Variants in FBXO28 observed in about 807,000 individuals in gnomAD.
FBXO28 encodes the protein F-box only protein 28.
A neutral mutation model predicts 38.1 loss-of-function variants in FBXO28; 8 were observed. The ratio of observed to expected loss-of-function variants is 0.21; its 90% CI spans 0.12 to 0.38. The LOEUF is 0.38. Ranked by LOEUF, FBXO28 falls within the 10% of genes least tolerant of loss-of-function variation. The probability of loss-of-function intolerance (pLI) is 1.00; values close to 1 mark genes in which losing one functional copy is unlikely to be tolerated. For missense variants in FBXO28, 345 were observed against 460.6 expected, an observed-to-expected ratio of 0.75 and a Z score of 2.30; for synonymous variants, 168 against 173.8, an observed-to-expected ratio of 0.97 and a Z score of 0.26.
In FBXO28 at chr1:224,114,189, C is replaced by T; in HGVS notation, c.60C>T (p.Gly20=). The change falls in exon 1 of 5, where the codon GGC becomes GGT. Residue 20 remains glycine, a synonymous_variant. Transcript: ENST00000366862. The part of the protein sequence containing the change: ...AEEGGGGQGD[G]GSSLASGSTQ... ...AAGGAGGCGGCGGCCAAGGCGACGG[C>T]GGTTCCTCTTTGGCCTCCGGCTCTA... 1 of 1,547,780 alleles carries T rather than the reference C, an allele frequency of 6.5e-7. No homozygotes were observed. The highest frequency in any genetic ancestry group is 8.7e-7 in the Non-Finnish European group (1 of 1,146,142).
rs1484553852 is a variant in FBXO28 at position 224,157,413 on chromosome 1, A to G, written c.774A>G (p.Arg258=). The change falls in exon 5 of 5, where the codon AGA becomes AGG. Residue 258 remains arginine (R), a synonymous_variant. Transcript: ENST00000366862. ...TCTTCTCCAAGCAAAATCCTTCAAG[A>G]CAAGAGGTTACCAAACTCCAGCAGC... ...MQLFSKQNPS[R]QEVTKLQQQV... is the part of the protein sequence containing the mutation. 1 of 1,614,210 alleles carries G rather than the reference A, an allele frequency of 6.2e-7. No homozygotes were observed. The highest frequency in any genetic ancestry group is 1.7e-5 in the Admixed American group (1 of 60,018).
rs569833709 is a variant in FBXO28 at position 224,135,751 on chromosome 1, A to G, written c.516+1539A>G. ...GTGATGTTGACAGTCTAAACAAATA[A>G]TGTTGCCAGGTGCCGTGGCTCACAC... On this transcript the variant is annotated intron_variant, in intron 3 of 4. Transcript: ENST00000366862. 2.3e-4 allele frequency among the ~76,000 whole-genome samples: 35 copies of G among 152,232 alleles called. 1 individual carries two copies. In the Middle Eastern group the frequency reaches 0.017, roughly 74 times the overall value.
At chr1:224,119,854 A>T (rs890144105) in intron 1 of FBXO28, among the ~76,000 whole-genome samples, 4 of 152,206 alleles carry the variant, frequency 2.6e-5, no homozygotes, top group Admixed American at 6.6e-5. Context: ...GAATTTGGAT[A>T]TGTGAAATTG....
intron 1 of FBXO28, among the ~76,000 whole-genome samples, chr1:224,118,701 C>G (rs774335835): frequency 2.0e-5 from 3 of 152,048 alleles, no homozygotes; most frequent in Non-Finnish European, 4.4e-5. Flanking sequence ...AAATGAAGAA[C>G]CATTACTTCT....
At chr1:224,114,437 C>T in intron 1 of FBXO28, 41 bp downstream of exon 1, 1 of 1,399,006 alleles carries the variant, frequency 7.1e-7, no homozygotes, top group Non-Finnish European at 9.3e-7. Flanking sequence ...CTCCCCCCGG[C>T]CGAGGTCTGG....
At chr1:224,133,841 AT>A (rs1657113870) in intron 2 of FBXO28, among the ~76,000 whole-genome samples, 1 of 151,604 alleles carries the variant, frequency 6.6e-6, no homozygotes, top group Non-Finnish European at 1.5e-5. Context: ...ATATATATAT[AT>A]ATATAATTTG....
chr1:224,130,840 C>G lies in FBXO28; in HGVS notation c.377+259C>G, dbSNP rs1657022266. On this transcript the variant is annotated intron_variant, in intron 2 of 4. Coordinates refer to ENST00000366862, the MANE Select transcript of FBXO28 (RefSeq NM_015176.4). ...ATGGGAAAAGAAGAAATAGAACTCT[C>G]TGTTCACAGATGATATGATCTTGTG... The G allele has an allele frequency of 1.1e-5, 4 of 356,304 alleles. No homozygotes were observed. In the South Asian group the frequency reaches 1.4e-4, roughly 13 times the overall value. 22.1% of individuals were successfully genotyped at this position (356,304 alleles called of 1,614,324 possible).
In FBXO28 at chr1:224,142,841, G is replaced by A. The variant is rs536245066; in HGVS notation, c.516+8629G>A. Among the ~76,000 whole-genome samples, 27 of 152,100 alleles carry A rather than the reference G, an allele frequency of 1.8e-4. No individual in the cohort carries two copies. In the East Asian group the frequency reaches 5.0e-3, roughly 28 times the overall value. The stretch of plus-strand genomic sequence containing the variant: ...CGTGCCTGTAATCCCAGCCACTCGG[G>A]AGGCTGAGGCACGAGAATCGCTTCA... On this transcript the variant is annotated intron_variant, in intron 3 of 4. Transcript: ENST00000366862.
intron 3 of FBXO28, among the ~76,000 whole-genome samples, chr1:224,146,938 C>T (rs1418278511): frequency 6.6e-6 from 1 of 151,048 alleles, no homozygotes; most frequent in Non-Finnish European, 1.5e-5. Context: ...GAACTCCTGA[C>T]CTCGTAATCC....
At position 224,158,350 on chromosome 1, in the gene FBXO28, TACCC is replaced by T. The variant is rs1657818314; in HGVS notation, c.*606_*609del. ...TTTTATAAACTACTGGCAAGGAACT[TACCC>T]AGCTGTTATACATGTTTTCAGTTCT... On this transcript the variant is annotated 3_prime_UTR_variant, in exon 5 of 5. Coordinates refer to ENST00000366862, the MANE Select transcript of FBXO28 (RefSeq NM_015176.4). 2 of 429,806 alleles carry T rather than the reference TACCC, an allele frequency of 4.7e-6. No individual in the cohort carries two copies. Among genetic ancestry groups the T allele is most frequent in the Non-Finnish European group, 6.2e-6 (2 of 322,010 alleles). 26.6% of individuals were successfully genotyped at this position (429,806 alleles called of 1,614,324 possible). A position where few individuals can be genotyped will look rare whatever the true frequency, so the allele number is the denominator to read the frequency against.
intron 3 of FBXO28, among the ~76,000 whole-genome samples, chr1:224,142,252 T>C (rs986560278): frequency 6.6e-6 from 1 of 151,668 alleles, no homozygotes; most frequent in African/African-American, 2.4e-5. Flanking sequence ...CTCGGGAGGC[T>C]GAGGCAGGAG....
At chr1:224,152,861 G>A (rs1454997709) in intron 3 of FBXO28, among the ~76,000 whole-genome samples, 1 of 144,966 alleles carries the variant, frequency 6.9e-6, no homozygotes, top group Non-Finnish European at 1.5e-5. Context: ...CCAAGAGGCA[G>A]AGGTTGCAAT....
At chr1:224,118,000 AATTTATTT>A (rs538990108) in intron 1 of FBXO28, among the ~76,000 whole-genome samples, 5,365 of 57,370 alleles carry the variant, frequency 0.094, 267 homozygotes, top group African/African-American at 0.21. Context: ...TTAATTAATT[AATTTATTT>A]ATTTATTTAT....
At chr1:224,147,499 G>A (rs922120822) in intron 3 of FBXO28, among the ~76,000 whole-genome samples, 4 of 151,856 alleles carry the variant, frequency 2.6e-5, no homozygotes, top group Admixed American at 1.3e-4. Context: ...ATAGTACAAT[G>A]TAACTACTAT....
At chr1:224,115,039 A>G (rs920112364) in intron 1 of FBXO28, among the ~76,000 whole-genome samples, 1 of 152,074 alleles carries the variant, frequency 6.6e-6, no homozygotes, top group Non-Finnish European at 1.5e-5. Context: ...GCCTCATCCT[A>G]ACGCTTCCCA....
intron 3 of FBXO28, among the ~76,000 whole-genome samples, chr1:224,138,079 T>C (rs1217801358): frequency 1.3e-5 from 2 of 151,306 alleles, no homozygotes; most frequent in East Asian, 3.9e-4. Flanking sequence ...AATACAAAAA[T>C]TAGGTGGGTG....
intron 3 of FBXO28, among the ~76,000 whole-genome samples, chr1:224,146,325 G>A (rs116331391): frequency 4.1e-3 from 625 of 152,060 alleles, no homozygotes; most frequent in Non-Finnish European, 7.1e-3. Context: ...AATAAAAGGG[G>A]TAGAAGGGAA....
At chr1:224,151,436 C>T (rs10429876) in intron 3 of FBXO28, among the ~76,000 whole-genome samples, 38,609 of 152,118 alleles carry the variant, frequency 0.25, 5,162 homozygotes, top group East Asian at 0.47. Flanking sequence ...AAGCATACAT[C>T]ATGCTCCATT....
Position 224,121,280 on chromosome 1 carries a change from T to C in FBXO28, c.267+6884T>C, listed in dbSNP as rs535402606. ...TTTTTTATGTGGTGGTTAGGATGCA[T>C]TATAGGAATCCTAAGAAGAAATTCT... On this transcript the variant is annotated intron_variant, in intron 1 of 4. Transcript: ENST00000366862. Among the ~76,000 whole-genome samples, 382 of 152,310 alleles carry C rather than the reference T, an allele frequency of 2.5e-3. 1 individual carries two copies. Among genetic ancestry groups the C allele is most frequent in the African/African-American group, 8.4e-3 (350 of 41,590 alleles).
Sources: allele counts gnomAD v4.1 joint callset (sites outside exome capture counted in the v4.1 genomes callset), GRCh38; gene constraint gnomAD v4.1.1; transcripts MANE v1.5; gene names NCBI Gene and HGNC (gene_info 2026-07-23, HGNC 2026-07-21).